Variants in SHQ1 observed in about 807,000 individuals in gnomAD.
SHQ1 encodes protein SHQ1 homolog.
SHQ1 carries 49 observed loss-of-function variants against 53.8 expected under a neutral mutation model. That is an observed-to-expected ratio of 0.91 (90% CI 0.72 to 1.16). The LOEUF is 1.16. SHQ1 is among the 50% of genes most tolerant of loss of function. SHQ1 has a pLI of 0.00. For synonymous variants in SHQ1, 243 were observed against 251.0 expected (o/e 0.97, Z 0.30); for missense variants, 738 against 683.1 (o/e 1.08, Z -0.90).
In SHQ1 at chr3:72,844,420, TA is replaced by T. The variant is rs766600511; in HGVS notation, c.146del (p.Leu49Ter). 2 of 1,613,562 alleles carry T rather than the reference TA, an allele frequency of 1.2e-6. No individual in the cohort carries two copies. The highest frequency in any genetic ancestry group is 2.2e-5 in the South Asian group (2 of 91,058). On this transcript the variant is annotated frameshift_variant and splice_region_variant, in exon 2 of 11. Coordinates refer to ENST00000325599, the MANE Select transcript of SHQ1 (RefSeq NM_018130.3). LOFTEE classifies it high-confidence loss of function. Reference sequence around the variant, plus strand: ...TTTCTACAATTCTTCCAGGAAGGGTTAATCTGCAGATTTAACACAGGTCTCA... The same window carrying T: ...TTTCTACAATTCTTCCAGGAAGGGTTATCTGCAGATTTAACACAGGTCTCA... Reference protein sequence around the residue: ...KFYAKPYFLRLTLPGRIVENG... With the variant: ...KFYAKPYFLRXTLPGRIVENG...
chr3:72,828,034 G>A lies in SHQ1; in HGVS notation c.600-3483C>T, dbSNP rs901777890. 5.3e-5 allele frequency among the ~76,000 whole-genome samples: 8 copies of A among 152,112 alleles called. No homozygotes were observed. In the South Asian group the frequency reaches 6.2e-4, roughly 12 times the overall value. ...CTCCCAAAGTGCTGGGATTACAGGC[G>A]TGAGCCACCATGCCCCGCCTTTTTC... On this transcript the variant is annotated intron_variant, in intron 5 of 10. Transcript: ENST00000325599.
chr3:72,846,095 A>G, intron 1 of SHQ1: 1 of 918,554 alleles, frequency 1.1e-6, no homozygotes, highest in Non-Finnish European at 1.7e-6. Context: ...CAAAGAGCTT[A>G]GTGGCCGGCA....
At chr3:72,751,508 G>GTGTGTATA (rs1210782182) in intron 10 of SHQ1, among the ~76,000 whole-genome samples, 5 of 116,982 alleles carry the variant, frequency 4.3e-5, no homozygotes, top group Admixed American at 1.6e-4. Flanking sequence ...GTGTGTGTGT[G>GTGTGTATA]TATATATATA....
intron 9 of SHQ1, among the ~76,000 whole-genome samples, chr3:72,811,835 T>G (rs996545745): frequency 7.9e-5 from 12 of 152,148 alleles, no homozygotes; most frequent in African/African-American, 2.7e-4. Flanking sequence ...TTCTGAAGTC[T>G]GAAAACCAAG....
intron 9 of SHQ1, among the ~76,000 whole-genome samples, chr3:72,808,038 C>G (rs1244414799): frequency 2.0e-5 from 3 of 152,070 alleles, no homozygotes; most frequent in African/African-American, 7.2e-5. Flanking sequence ...AAAAACAAAA[C>G]AGCAAATAGA....
At chr3:72,758,247 C>T (rs1705538021) in intron 10 of SHQ1, among the ~76,000 whole-genome samples, 1 of 152,134 alleles carries the variant, frequency 6.6e-6, no homozygotes, top group African/African-American at 2.4e-5. Flanking sequence ...TCCAGCGCAG[C>T]CATTAACAAA....
chr3:72,804,239 T>C (rs1043750956), intron 9 of SHQ1, among the ~76,000 whole-genome samples: 1 of 152,212 alleles, frequency 6.6e-6, no homozygotes, highest in African/African-American at 2.4e-5. Flanking sequence ...GGTATGTTTT[T>C]AAGGGAGTCT....
At chr3:72,821,175 CAA>C (rs1707465561) in intron 6 of SHQ1, among the ~76,000 whole-genome samples, 1 of 152,234 alleles carries the variant, frequency 6.6e-6, no homozygotes, top group Non-Finnish European at 1.5e-5. Flanking sequence ...TGCAGTGCTA[CAA>C]CTTTCAAAGT....
chr3:72,834,289 G>C (rs1011379349), intron 4 of SHQ1, among the ~76,000 whole-genome samples: 1 of 152,224 alleles, frequency 6.6e-6, no homozygotes, highest in Admixed American at 6.5e-5. Flanking sequence ...AGCACTTCGG[G>C]AGGCCAAGGC....
downstream of SHQ1, among the ~76,000 whole-genome samples, chr3:72,745,358 G>A (rs1705240514): frequency 1.3e-5 from 2 of 152,132 alleles, no homozygotes; most frequent in African/African-American, 4.8e-5. Flanking sequence ...GCCAGTGAAA[G>A]GTGATACCAG....
rs1705345736 is a variant in SHQ1, at chr3:72,750,600, G to A, written c.1418C>T (p.Ser473Leu). 3 of 1,614,200 alleles carry A rather than the reference G, an allele frequency of 1.9e-6. No individual in the cohort carries two copies. Among genetic ancestry groups the A allele is most frequent in the Admixed American group, 3.3e-5 (2 of 60,022 alleles). The change falls in exon 11 of 11, where the codon TCA (serine) becomes TTA (leucine). Residue 473 changes from serine to leucine, a missense_variant. Physicochemically the swap from Ser to Leu is moderately radical, Grantham distance 145. Coordinates refer to ENST00000325599, the MANE Select transcript of SHQ1 (RefSeq NM_018130.3). The stretch of plus-strand genomic sequence containing the variant: ...TTTGAGTTCATCTTGTTCTGAATCT[G>A]AGCCTGAGTCTTCGTTTCCAGATGA... ...SVSSGNEDSG[S>L]DSEQDELKDS...
chr3:72,746,539 G>T (rs894709253), downstream of SHQ1, among the ~76,000 whole-genome samples: 1 of 152,176 alleles, frequency 6.6e-6, no homozygotes, highest in African/African-American at 2.4e-5. Context: ...AACAAAGAAA[G>T]GGTAGGAGAA....
intron 10 of SHQ1, among the ~76,000 whole-genome samples, chr3:72,751,504 G>GTATATATATA (rs1233066493): frequency 6.8e-5 from 8 of 118,142 alleles, no homozygotes; most frequent in African/African-American, 3.0e-4. Flanking sequence ...GTGTGTGTGT[G>GTATATATATA]TGTGTATATA....
In SHQ1 at chr3:72,750,566, T is replaced by A. The variant is rs749637995; in HGVS notation, c.1452A>T (p.Pro484=). 11 of 1,614,244 alleles carry A rather than the reference T, an allele frequency of 6.8e-6. No individual in the cohort carries two copies. In the Admixed American group the frequency reaches 1.8e-4, roughly 27 times the overall value. Residue 484 remains proline, a synonymous_variant, in exon 11 of 11, where the codon CCA becomes CCT. Transcript: ENST00000325599. ...CTTGCAAAGAACTGACTGTCTCAGA[T>A]GGACTATCTTTGAGTTCATCTTGTT... The part of the protein sequence containing the change: ...DSEQDELKDS[P]SETVSSLQGP...
intron 9 of SHQ1, among the ~76,000 whole-genome samples, chr3:72,802,905 A>T (rs3923298): frequency 0.01 from 1,571 of 152,156 alleles, 26 homozygotes; most frequent in African/African-American, 0.036. Flanking sequence ...CCACTTTTTT[A>T]AAAAAGCTTT....
chr3:72,808,375 A>G (rs1208420622), intron 9 of SHQ1, among the ~76,000 whole-genome samples: 1 of 152,204 alleles, frequency 6.6e-6, no homozygotes, highest in Non-Finnish European at 1.5e-5. Context: ...TCCAGGCTTC[A>G]TATAATTTCA....
At chr3:72,725,629 C>T in the SHQ1 span, among the ~76,000 whole-genome samples, 2 of 152,218 alleles carry the variant, frequency 1.3e-5, no homozygotes, top group East Asian at 1.9e-4. Context: ...TGTACACGCA[C>T]ACACTCAAAT....
intron 1 of SHQ1, chr3:72,846,393 C>A: frequency 8.0e-7 from 1 of 1,255,520 alleles, no homozygotes; most frequent in South Asian, 1.4e-5. Flanking sequence ...CCCCCAGGTT[C>A]AAGCGATTCT....
At chr3:72,835,229 C>T (rs1382840186) in intron 4 of SHQ1, among the ~76,000 whole-genome samples, 1 of 151,154 alleles carries the variant, frequency 6.6e-6, no homozygotes, top group Non-Finnish European at 1.5e-5. Flanking sequence ...GGGAGAAGCA[C>T]AAGGACATTT....
Sources: gnomAD v4.1 joint callset for allele counts (sites outside exome capture counted in the v4.1 genomes callset) on GRCh38, gnomAD v4.1.1 for gene constraint, MANE v1.5 for transcripts, NCBI Gene and HGNC (gene_info 2026-07-23, HGNC 2026-07-21) for gene names.